The following PLEKHS1 variants were observed in gnomAD, a reference collection of about 807,000 sequenced individuals.
PLEKHS1 encodes pleckstrin homology domain containing S1, also known as pleckstrin homology domain-containing family S member 1.
A neutral mutation model predicts 51.0 loss-of-function variants in PLEKHS1; 55 were observed. That is an observed-to-expected ratio of 1.08 (90% confidence interval 0.87 to 1.35). The LOEUF (loss-of-function observed/expected upper bound fraction) is 1.35. Among genes scored for constraint, PLEKHS1 ranks in the 40% most tolerant of loss-of-function variants. The pLI, the probability that PLEKHS1 is intolerant of heterozygous loss-of-function variation, is 0.00. For missense variants in PLEKHS1, 398 were observed against 423.0 expected (o/e 0.94, Z 0.52); for synonymous variants, 153 against 144.8 (o/e 1.06, Z -0.41).
At chr10:113,781,726 TCC>T (rs1258913994) in exon 12 of PLEKHS1, 1 of 52,772 alleles carries the variant, frequency 1.9e-5, no homozygotes, top group Non-Finnish European at 3.8e-5. Context: ...CCCAAACACC[TCC>T]TTCCCCAACA....
intron 1 of PLEKHS1, 146 bp from the exon 2 acceptor site, chr10:113,755,111 ACT>A (rs1042563725): frequency 1.1e-5 from 9 of 790,018 alleles, no homozygotes; most frequent in Middle Eastern, 3.3e-4. Flanking sequence ...GGAGGGAAAT[ACT>A]AAAGAAAGGA....
At chr10:113,763,984 T>A (rs1056746212) in intron 2 of PLEKHS1, among the ~76,000 whole-genome samples, 1 of 152,254 alleles carries the variant, frequency 6.6e-6, no homozygotes, top group East Asian at 1.9e-4. Flanking sequence ...TGATGAATTA[T>A]TTCAGCCTTT....
At chr10:113,766,670 T>A in exon 4 of PLEKHS1, 1 of 1,612,958 alleles carries the variant, frequency 6.2e-7, no homozygotes, top group South Asian at 1.1e-5. Flanking sequence ...AGCTTTAGTC[T>A]TTCCTATTAT....
intron 11 of PLEKHS1, among the ~76,000 whole-genome samples, chr10:113,776,694 C>A (rs983949302): frequency 6.6e-6 from 1 of 152,164 alleles, no homozygotes; most frequent in Non-Finnish European, 1.5e-5. Context: ...TTACTTGGAA[C>A]CATGGGGTTT....
At chr10:113,781,746 CCCCAACACCTCCT>C (rs1844877353) in exon 12 of PLEKHS1, 1 of 110,322 alleles carries the variant, frequency 9.1e-6, no homozygotes. Flanking sequence ...ACACCTCCTT[CCCCAACACCTCCT>C]TCCCAACACC....
chr10:113,777,316 C>G (rs1844718268), intron 11 of PLEKHS1, 57 bp downstream of exon 12: 1 of 1,608,010 alleles, frequency 6.2e-7, no homozygotes, highest in Non-Finnish European at 8.5e-7. Flanking sequence ...GGAAAAAGAT[C>G]AGGGTCTTAG....
Position 113,768,814 on chromosome 10 carries a change from G to A in PLEKHS1, c.360-1G>A. 2 of 1,612,496 alleles carry A rather than the reference G, an allele frequency of 1.2e-6. No homozygotes were observed. Among genetic ancestry groups the A allele is most frequent in the Non-Finnish European group, 1.7e-6 (2 of 1,179,454 alleles). On this transcript the variant is annotated splice_acceptor_variant, in intron 5 of 11. Coordinates refer to ENST00000361048, the Ensembl canonical transcript of PLEKHS1. LOFTEE classifies it high-confidence loss of function. ...AACTGAAAGTTTATTCCTGTCAACA[G>A]GGAGAAGATTAAAGACTGGGTCTCC...
At chr10:113,764,047 G>T (rs1408517817) in intron 2 of PLEKHS1, among the ~76,000 whole-genome samples, 1 of 152,070 alleles carries the variant, frequency 6.6e-6, no homozygotes, top group Non-Finnish European at 1.5e-5. Context: ...CATTTTTGCT[G>T]AATATAGAAT....
At chr10:113,759,888 A>T (rs913923377) in intron 2 of PLEKHS1, among the ~76,000 whole-genome samples, 1 of 152,230 alleles carries the variant, frequency 6.6e-6, no homozygotes, top group Non-Finnish European at 1.5e-5. Flanking sequence ...GACATACAGT[A>T]GGCTGACATG....
At chr10:113,760,054 G>T (rs868669226) in intron 2 of PLEKHS1, among the ~76,000 whole-genome samples, 2 of 152,086 alleles carry the variant, frequency 1.3e-5, no homozygotes. Context: ...GACAACCCCT[G>T]ATCTGCTTTC....
intron 2 of PLEKHS1, among the ~76,000 whole-genome samples, chr10:113,764,410 T>G (rs995214732): frequency 1.3e-5 from 2 of 152,196 alleles, no homozygotes; most frequent in Non-Finnish European, 2.9e-5. Flanking sequence ...TTAAATATAT[T>G]GTTTTACTTT....
intron 2 of PLEKHS1, among the ~76,000 whole-genome samples, chr10:113,759,603 C>T (rs1843826386): frequency 6.6e-6 from 1 of 152,030 alleles, no homozygotes; most frequent in South Asian, 2.1e-4. Context: ...ATTGAGTGCA[C>T]CAATAGTGCA....
rs540376901 is a variant in PLEKHS1, at chr10:113,754,996, T to C, written c.-19-263T>C. Among the ~76,000 whole-genome samples the C allele has an allele frequency of 1.4e-3, 216 of 152,316 alleles. 1 individual carries two copies. Among genetic ancestry groups the C allele is most frequent in the African/African-American group, 5.0e-3 (209 of 41,574 alleles). On this transcript the variant is annotated intron_variant, in intron 1 of 11. Coordinates refer to ENST00000361048, the Ensembl canonical transcript of PLEKHS1. ...CAGAGAAAATCCCAGGAAGACAAGCTCCTTCAGTCTTCTCAACAACACCTC... is the reference window on the plus strand; with the variant it reads ...CAGAGAAAATCCCAGGAAGACAAGCCCCTTCAGTCTTCTCAACAACACCTC...
intron 7 of PLEKHS1, among the ~76,000 whole-genome samples, chr10:113,771,517 A>G (rs1448776853): frequency 6.6e-6 from 1 of 151,766 alleles, no homozygotes; most frequent in Non-Finnish European, 1.5e-5. Context: ...ACTAAAAAAT[A>G]TACAAAAATT....
chr10:113,780,726 C>A lies in PLEKHS1; in HGVS notation c.*124C>A, dbSNP rs573461694. 1.3e-5 allele frequency: 21 copies of A among 1,605,664 alleles called. No homozygotes were observed. The African/African-American group carries it at 2.7e-4, about 20-fold the overall frequency. On this transcript the variant is annotated 3_prime_UTR_variant, in exon 12 of 12. Transcript: ENST00000361048. ...CTGGATAAGCCTAGACTGAACAGAGCTCCCAAGAGGAGTCCGGCCATTAAA... is the reference window on the plus strand; with the variant it reads ...CTGGATAAGCCTAGACTGAACAGAGATCCCAAGAGGAGTCCGGCCATTAAA...
At chr10:113,760,485 GA>G (rs569575725) in intron 2 of PLEKHS1, among the ~76,000 whole-genome samples, 37 of 151,942 alleles carry the variant, frequency 2.4e-4, no homozygotes, top group African/African-American at 8.9e-4. Flanking sequence ...AAAAAAAAAA[GA>G]AAAAAGTTAT....
At chr10:113,764,596 G>A (rs1396317853) in intron 2 of PLEKHS1, among the ~76,000 whole-genome samples, 1 of 152,038 alleles carries the variant, frequency 6.6e-6, no homozygotes, top group Non-Finnish European at 1.5e-5. Flanking sequence ...TGTATCTTGT[G>A]CCGAGATTCA....
At chr10:113,766,923 A>G (rs1024976863) in intron 4 of PLEKHS1, among the ~76,000 whole-genome samples, 1 of 152,200 alleles carries the variant, frequency 6.6e-6, no homozygotes, top group Non-Finnish European at 1.5e-5. Context: ...TGTATGTCAT[A>G]CTTGATAAGT....
In PLEKHS1 at chr10:113,781,777, CCCTTCCCCAACAACT is replaced by C. The variant is rs547535236; in HGVS notation, c.*1188_*1202del. On this transcript the variant is annotated 3_prime_UTR_variant, in exon 12 of 12. Transcript: ENST00000361048. ...CACCTCCTTCCCAACACCTCCTTCC[CCCTTCCCCAACAACT>C]CCTTCCCCAACACCTCCTTCCCAAA... The C allele has an allele frequency of 7.9e-3, 878 of 111,744 alleles. 22 individuals carry two copies. The highest frequency in any genetic ancestry group is 0.012 in the South Asian group (38 of 3,098). The allele number at this position is 111,744 out of a possible 1,614,324, so 6.9% of individuals were successfully genotyped here.
Sources: gnomAD v4.1 joint callset for allele counts (sites outside exome capture counted in the v4.1 genomes callset) on GRCh38, gnomAD v4.1.1 for gene constraint, MANE v1.5 for transcripts, NCBI Gene and HGNC (gene_info 2026-07-23, HGNC 2026-07-21) for gene names.